SLC8A2: variants seen among roughly 807,000 people sequenced by gnomAD.
The protein encoded by SLC8A2 is solute carrier family 8 member A2.
A neutral mutation model predicts 70.2 loss-of-function variants in SLC8A2; 14 were observed. The observed-to-expected ratio is 0.20, with a 90% confidence interval of 0.13 to 0.31. SLC8A2 has a LOEUF of 0.31. Ranked by LOEUF, SLC8A2 falls within the 10% of genes least tolerant of loss-of-function variation. The pLI, the probability that SLC8A2 is intolerant of heterozygous loss-of-function variation, is 1.00. For synonymous variants in SLC8A2, 575 were observed against 594.3 expected (o/e 0.97, Z 0.47); for missense variants, 779 against 1,320.1 (o/e 0.59, Z 6.35).
At chr19:47,462,569 A>G (rs868116104) in intron 2 of SLC8A2, among the ~76,000 whole-genome samples, 3 of 137,996 alleles carry the variant, frequency 2.2e-5, no homozygotes, top group Non-Finnish European at 4.7e-5. Context: ...CGGCCTATGT[A>G]TATCTTTTTT....
At chr19:47,451,391 C>T (rs1274997895) in intron 3 of SLC8A2, among the ~76,000 whole-genome samples, 7 of 152,294 alleles carry the variant, frequency 4.6e-5, no homozygotes, top group Admixed American at 4.6e-4. Context: ...TCACTGCAGC[C>T]TCGACTTCCT....
Position 47,447,617 on chromosome 19 carries a change from CACG to C in SLC8A2, c.1763+189_1763+191del. Reference sequence around the variant, plus strand: ...CCCAGCTGTTCAGTGAAGCCCCGCCCACGTCGTGGGCATGGGTCACAGGCCCCG... The same window carrying C: ...CCCAGCTGTTCAGTGAAGCCCCGCCCTCGTGGGCATGGGTCACAGGCCCCG... On this transcript the variant is annotated intron_variant, in intron 4 of 9. Coordinates refer to ENST00000236877, the MANE Select transcript of SLC8A2 (RefSeq NM_015063.3). The surrounding 1 kb of genome is among the most constrained non-coding windows in gnomAD (Gnocchi z 5.1). 1 of 397,504 alleles carries C rather than the reference CACG, an allele frequency of 2.5e-6. No homozygotes were observed. The highest frequency in any genetic ancestry group is 4.4e-6 in the Non-Finnish European group (1 of 229,100). 24.6% of individuals were successfully genotyped at this position (397,504 alleles called of 1,614,324 possible).
chr19:47,435,072 G>A (rs527466062), intron 8 of SLC8A2, among the ~76,000 whole-genome samples: 28 of 152,080 alleles, frequency 1.8e-4, no homozygotes, highest in Admixed American at 5.9e-4. Context: ...AGCCAGACAT[G>A]GTGGTGGGTG....
At chr19:47,471,734 G>C (rs1434861810) in intron 1 of SLC8A2, 55 bp downstream of exon 1, 1 of 152,182 alleles carries the variant, frequency 6.6e-6, no homozygotes, top group African/African-American at 2.4e-5. Flanking sequence ...TCCGCACCTG[G>C]GGTAACCCCG....
Position 47,448,887 on chromosome 19 carries a change from T to C in SLC8A2, c.1341-656A>G, listed in dbSNP as rs1967202450. On this transcript the variant is annotated intron_variant, in intron 3 of 9. Coordinates refer to ENST00000236877, the MANE Select transcript of SLC8A2 (RefSeq NM_015063.3). The surrounding 1 kb of genome is among the most constrained non-coding windows in gnomAD (Gnocchi z 4.8). ...CACTCATTCATTCAACAAACACTCCTAAGGGCACCCGTTGTGTGCCTTGTG... is the reference window on the plus strand; with the variant it reads ...CACTCATTCATTCAACAAACACTCCCAAGGGCACCCGTTGTGTGCCTTGTG... 6.6e-6 allele frequency among the ~76,000 whole-genome samples: 1 copy of C among 152,150 alleles called. No individual in the cohort carries two copies. The highest frequency in any genetic ancestry group is 2.4e-5 in the African/African-American group (1 of 41,440).
At chr19:47,444,827 G>C (rs1054637133) in intron 4 of SLC8A2, among the ~76,000 whole-genome samples, 1 of 152,088 alleles carries the variant, frequency 6.6e-6, no homozygotes, top group Non-Finnish European at 1.5e-5. Flanking sequence ...TCCCCAGCCT[G>C]CCCCCTTGTT....
At chr19:47,435,799 C>T (rs575149276) in intron 8 of SLC8A2, among the ~76,000 whole-genome samples, 55 of 152,176 alleles carry the variant, frequency 3.6e-4, no homozygotes, top group Middle Eastern at 3.4e-3. Context: ...CCACCTGCCT[C>T]GGCCTCCCAA....
At chr19:47,469,893 CCT>C (rs1392722066) in intron 1 of SLC8A2, among the ~76,000 whole-genome samples, 1 of 152,216 alleles carries the variant, frequency 6.6e-6, no homozygotes, top group East Asian at 1.9e-4. Context: ...AGTGAGCACC[CCT>C]GTTCTGCCTC....
rs1967312127 is a variant in SLC8A2, at chr19:47,456,992, G to A, written c.1278C>T (p.Thr426=). ...VTCQGGEGNS[T]FYVDYRTEDG... ...CCTCAGTGCGGTAGTCCACGTAGAA[G>A]GTGCTGTTGCCCTCGCCGCCCTGGC... Residue 426 remains threonine (T), a synonymous_variant, in exon 3 of 10, where the codon ACC becomes ACT. Coordinates refer to ENST00000236877, the MANE Select transcript of SLC8A2 (RefSeq NM_015063.3). 3.1e-6 allele frequency: 5 copies of A among 1,612,754 alleles called. No individual in the cohort carries two copies. The highest frequency in any genetic ancestry group is 4.2e-6 in the Non-Finnish European group (5 of 1,179,652).
At chr19:47,450,453 G>A (rs919635879) in intron 3 of SLC8A2, among the ~76,000 whole-genome samples, 3 of 152,064 alleles carry the variant, frequency 2.0e-5, no homozygotes, top group Non-Finnish European at 2.9e-5. Flanking sequence ...AACTGGGGAG[G>A]TGGAGGTTGC....
chr19:47,449,904 A>G (rs925884901), intron 3 of SLC8A2, among the ~76,000 whole-genome samples: 1 of 152,172 alleles, frequency 6.6e-6, no homozygotes, highest in Non-Finnish European at 1.5e-5. Flanking sequence ...CGTTCCGAGC[A>G]GAGGAGGGAC....
Position 47,428,751 on chromosome 19 carries a change from G to A in SLC8A2, c.*1338C>T, listed in dbSNP as rs1966909589. 2.0e-5 allele frequency: 3 copies of A among 152,534 alleles called. No homozygotes were observed. In the South Asian group the frequency reaches 6.2e-4, roughly 32 times the overall value. The allele number at this position is 152,534 out of a possible 1,614,324, so 9.4% of individuals were successfully genotyped here. A position where few individuals can be genotyped will look rare whatever the true frequency, so the allele number is the denominator to read the frequency against. ...CTGATGATGAGCTGGGGGAGAGAAG[G>A]GTAGTGGGTAACGGGTCTGGGATGT... On this transcript the variant is annotated 3_prime_UTR_variant, in exon 10 of 10. Coordinates refer to ENST00000236877, the MANE Select transcript of SLC8A2 (RefSeq NM_015063.3).
intron 6 of SLC8A2, among the ~76,000 whole-genome samples, chr19:47,440,817 C>T (rs1967091072): frequency 6.6e-6 from 1 of 152,112 alleles, no homozygotes; most frequent in Admixed American, 6.5e-5. Flanking sequence ...TCTCTAACTC[C>T]TGACCTCCGG....
chr19:47,437,401 CCT>C, intron 8 of SLC8A2, 59 bp downstream of exon 8: 2 of 1,182,400 alleles, frequency 1.7e-6, no homozygotes, highest in Non-Finnish European at 1.3e-6. Context: ...CATTTCTCCC[CCT>C]TTCCCTGTGT....
At chr19:47,438,020 T>A in intron 6 of SLC8A2, 47 bp from the exon 7 acceptor site, 1 of 1,611,606 alleles carries the variant, frequency 6.2e-7, no homozygotes, top group Non-Finnish European at 8.5e-7. Context: ...ACCTACCTAA[T>A]TGGGCCTGTG....
chr19:47,463,474 G>C (rs1296975414), intron 2 of SLC8A2, among the ~76,000 whole-genome samples: 2 of 147,504 alleles, frequency 1.4e-5, no homozygotes, highest in African/African-American at 2.5e-5. Context: ...GCTCACGCCT[G>C]TAATCCCAGC....
chr19:47,450,558 C>T (rs1967221822), intron 3 of SLC8A2, among the ~76,000 whole-genome samples: 2 of 152,090 alleles, frequency 1.3e-5, no homozygotes, highest in Admixed American at 1.3e-4. Context: ...CTCCAGTTTT[C>T]CAGCTCTGTG....
chr19:47,440,540 C>A (rs1967087599), intron 6 of SLC8A2, among the ~76,000 whole-genome samples: 1 of 152,206 alleles, frequency 6.6e-6, no homozygotes, highest in Non-Finnish European at 1.5e-5. Context: ...GATTCTCCTG[C>A]CTCAGCCTCC....
chr19:47,439,311 T>C (rs1161522829), intron 6 of SLC8A2, among the ~76,000 whole-genome samples: 1 of 152,144 alleles, frequency 6.6e-6, no homozygotes, highest in East Asian at 1.9e-4. Flanking sequence ...GTGGATCACC[T>C]GAGGTCAGGA....
Sources: allele counts gnomAD v4.1 joint callset (sites outside exome capture counted in the v4.1 genomes callset), GRCh38; gene constraint gnomAD v4.1.1; non-coding constraint Gnocchi (gnomAD v3.1); transcripts MANE v1.5; gene names NCBI Gene and HGNC (gene_info 2026-07-23, HGNC 2026-07-21).